The following SLC35F1 variants were observed in gnomAD, a reference collection of about 807,000 sequenced individuals.
SLC35F1 encodes solute carrier family 35 member F1.
Under a neutral mutation model 48.7 loss-of-function variants are expected in SLC35F1, and 14 were observed. That is an observed-to-expected ratio of 0.29 (90% CI 0.19 to 0.45). The LOEUF (loss-of-function observed/expected upper bound fraction) is 0.45. SLC35F1 is among the 20% of genes least tolerant of loss of function. The pLI is 1.00. For missense variants in SLC35F1, 404 were observed against 500.0 expected (o/e 0.81, Z 1.83); for synonymous variants, 190 against 202.2 (o/e 0.94, Z 0.51).
Position 118,314,154 on chromosome 6 carries a change from G to A in SLC35F1, c.1129G>A (p.Val377Ile), listed in dbSNP as rs759523184. The change falls in exon 8 of 8, where the codon GTT becomes ATT. Residue 377 changes from valine (V) to isoleucine (I), a missense_variant. Physicochemically the swap from Val to Ile is conservative, Grantham distance 29 (BLOSUM62 3). This residue lies in a region of SLC35F1 where 306 missense variants were observed against 419.1 expected (regional missense o/e 0.73). Coordinates refer to ENST00000360388, the MANE Select transcript of SLC35F1 (RefSeq NM_001029858.4). ...YKQFRNPSGP[V>I]VDLPTTAQVE... ...GCAGTTCCGCAATCCTTCAGGACCTGTTGTGGACTTACCGACCACAGCTCA... is the reference window on the plus strand; with the variant it reads ...GCAGTTCCGCAATCCTTCAGGACCTATTGTGGACTTACCGACCACAGCTCA... 1 of 1,614,184 alleles carries A rather than the reference G, an allele frequency of 6.2e-7. No individual in the cohort carries two copies. The highest frequency in any genetic ancestry group is 1.1e-5 in the South Asian group (1 of 91,074).
intron 1 of SLC35F1, among the ~76,000 whole-genome samples, chr6:117,925,931 A>G (rs1010460160): frequency 1.3e-5 from 2 of 152,152 alleles, no homozygotes; most frequent in African/African-American, 4.8e-5. Flanking sequence ...GTCATCATCC[A>G]TTTATTTATT....
chr6:117,907,660 GC>G lies in SLC35F1; in HGVS notation c.-64del, dbSNP rs1482456368. 1 of 991,396 alleles carries G rather than the reference GC, an allele frequency of 1.0e-6. No homozygotes were observed. The highest frequency in any genetic ancestry group is 1.4e-6 in the Non-Finnish European group (1 of 714,464). 61.4% of individuals were successfully genotyped at this position (991,396 alleles called of 1,614,324 possible). A position where few individuals can be genotyped will look rare whatever the true frequency, so the allele number is the denominator to read the frequency against. ...GGCCGGGTCCTCTGCGCGTTCCCGG[GC>G]CCGGAACCGGCACACGATGCACCCG... On this transcript the variant is annotated 5_prime_UTR_variant, in exon 1 of 8. Coordinates refer to ENST00000360388, the MANE Select transcript of SLC35F1 (RefSeq NM_001029858.4).
At chr6:117,992,206 T>G (rs1776928053) in intron 1 of SLC35F1, among the ~76,000 whole-genome samples, 2 of 152,172 alleles carry the variant, frequency 1.3e-5, no homozygotes, top group Admixed American at 1.3e-4. Context: ...ATTCTTTGAT[T>G]TGTAATTGTT....
intron 1 of SLC35F1, among the ~76,000 whole-genome samples, chr6:117,916,596 G>A (rs540644517): frequency 6.6e-6 from 1 of 152,324 alleles, no homozygotes; most frequent in South Asian, 2.1e-4. Flanking sequence ...AAATGGCCTG[G>A]TCTTCAGCTG....
chr6:117,945,203 A>AT (rs1776282034), intron 1 of SLC35F1, among the ~76,000 whole-genome samples: 1 of 152,158 alleles, frequency 6.6e-6, no homozygotes, highest in Non-Finnish European at 1.5e-5. Flanking sequence ...TCATCTGGCA[A>AT]TTGCCCAGTC....
chr6:117,952,373 G>A (rs914029426), intron 1 of SLC35F1, among the ~76,000 whole-genome samples: 1 of 152,188 alleles, frequency 6.6e-6, no homozygotes, highest in African/African-American at 2.4e-5. Context: ...TTGCATATCT[G>A]TTGTCCCCTT....
At position 118,014,154 on chromosome 6, in the gene SLC35F1, T is replaced by C. The variant is rs117725319; in HGVS notation, c.173+106255T>C. ...CTTACTTGCAAAATGGGTATAATAATATTTACTTTGAAGGCACATAATCAG... is the reference window on the plus strand; with the variant it reads ...CTTACTTGCAAAATGGGTATAATAACATTTACTTTGAAGGCACATAATCAG... On this transcript the variant is annotated intron_variant, in intron 1 of 7. Transcript: ENST00000360388. Among the ~76,000 whole-genome samples the C allele has an allele frequency of 9.2e-3, 1,399 of 152,342 alleles. 8 individuals are homozygous for C. Among genetic ancestry groups the C allele is most frequent in the Non-Finnish European group, 0.013 (912 of 68,024 alleles).
intron 1 of SLC35F1, among the ~76,000 whole-genome samples, chr6:118,148,762 C>A (rs745602335): frequency 1.6e-4 from 24 of 152,222 alleles, no homozygotes; most frequent in Middle Eastern, 3.4e-3. Context: ...GCTCGCTGTA[C>A]AAAATTCCAA....
intron 1 of SLC35F1, among the ~76,000 whole-genome samples, chr6:118,120,419 C>A (rs145324323): frequency 6.6e-6 from 1 of 152,258 alleles, no homozygotes; most frequent in African/African-American, 2.4e-5. Flanking sequence ...TTGATGCATG[C>A]ATACAGATGC....
chr6:118,107,926 T>C (rs1483429742), intron 1 of SLC35F1, among the ~76,000 whole-genome samples: 1 of 152,096 alleles, frequency 6.6e-6, no homozygotes, highest in Admixed American at 6.6e-5. Flanking sequence ...TATCAATAGG[T>C]GACCTTTCCT....
intron 2 of SLC35F1, among the ~76,000 whole-genome samples, chr6:118,210,560 A>T (rs1055263502): frequency 6.6e-6 from 1 of 152,170 alleles, no homozygotes; most frequent in African/African-American, 2.4e-5. Context: ...CCAGATTTCT[A>T]CATCTCTGTA....
intron 1 of SLC35F1, among the ~76,000 whole-genome samples, chr6:118,059,473 C>T (rs1457253187): frequency 6.6e-6 from 1 of 152,154 alleles, no homozygotes; most frequent in African/African-American, 2.4e-5. Flanking sequence ...TGGTTACATT[C>T]CAAGGTGCTG....
chr6:118,105,198 CCTT>C (rs527772084), intron 1 of SLC35F1, among the ~76,000 whole-genome samples: 114 of 152,274 alleles, frequency 7.5e-4, no homozygotes, highest in African/African-American at 2.5e-3. Flanking sequence ...CCCTCCCTCT[CCTT>C]CTTGCTTGTT....
At chr6:117,921,674 T>C (rs1397536264) in intron 1 of SLC35F1, among the ~76,000 whole-genome samples, 1 of 152,226 alleles carries the variant, frequency 6.6e-6, no homozygotes, top group African/African-American at 2.4e-5. Flanking sequence ...ATTGATCATT[T>C]GCAACTCTTA....
intron 1 of SLC35F1, among the ~76,000 whole-genome samples, chr6:118,140,852 G>A (rs1392205410): frequency 2.6e-5 from 4 of 151,064 alleles, no homozygotes; most frequent in African/African-American, 7.3e-5. Context: ...AATAAATAAT[G>A]TTAAAAGTAG....
intron 1 of SLC35F1, among the ~76,000 whole-genome samples, chr6:117,959,323 C>T (rs1166113901): frequency 1.3e-5 from 2 of 152,164 alleles, no homozygotes; most frequent in Non-Finnish European, 2.9e-5. Context: ...TCCTAGTTCT[C>T]TTGTTAGGAC....
chr6:118,311,657 G>T, intron 7 of SLC35F1, among the ~76,000 whole-genome samples: 1 of 152,198 alleles, frequency 6.6e-6, no homozygotes, highest in East Asian at 1.9e-4. Flanking sequence ...CACGCATGGT[G>T]GCAGGCGCCT....
rs543413610 is a variant in SLC35F1 at position 118,317,251 on chromosome 6, A to G, written c.*2999A>G. On this transcript the variant is annotated 3_prime_UTR_variant, in exon 8 of 8. Transcript: ENST00000360388. Reference sequence around the variant, plus strand: ...GCTTGCCTTGGTCAGACCTTCCCACATCTACATACTCTCAAATACATGACC... The same window carrying G: ...GCTTGCCTTGGTCAGACCTTCCCACGTCTACATACTCTCAAATACATGACC... 9.2e-5 allele frequency: 14 copies of G among 152,292 alleles called. No homozygotes were observed. In the East Asian group the frequency reaches 1.3e-3, roughly 15 times the overall value. The allele number at this position is 152,292 out of a possible 1,614,324, so 9.4% of individuals were successfully genotyped here. A position where few individuals can be genotyped will look rare whatever the true frequency, so the allele number is the denominator to read the frequency against.
chr6:117,964,967 G>A (rs1426632784), intron 1 of SLC35F1, among the ~76,000 whole-genome samples: 1 of 152,136 alleles, frequency 6.6e-6, no homozygotes, highest in Admixed American at 6.5e-5. Flanking sequence ...GGAGGGATAC[G>A]GAAGAGGAGT....
Sources: gnomAD v4.1 joint callset for allele counts (sites outside exome capture counted in the v4.1 genomes callset) on GRCh38, gnomAD v4.1.1 for gene constraint, gnomAD v4.1.1 regional missense constraint, MANE v1.5 for transcripts, NCBI Gene and HGNC (gene_info 2026-07-23, HGNC 2026-07-21) for gene names.